PRL: variants seen among roughly 807,000 people sequenced by gnomAD.
PRL encodes prolactin, also known as decidual prolactin.
In PRL, 24 loss-of-function variants were observed where a neutral mutation model predicts 21.3. The ratio of observed to expected loss-of-function variants is 1.13; its 90% CI spans 0.82 to 1.59. The LOEUF is 1.59. Among genes scored for constraint, PRL ranks in the 40% most tolerant of loss-of-function variants. The pLI, the probability that PRL is intolerant of heterozygous loss-of-function variation, is 0.00. For synonymous variants in PRL, 118 were observed against 115.7 expected (o/e 1.02, Z -0.13); for missense variants, 243 against 286.9 (o/e 0.85, Z 1.10).
intron 1 of PRL, 114 bp downstream of exon 1, chr6:22,296,841 T>C (rs151299200): frequency 2.6e-6 from 3 of 1,146,212 alleles, no homozygotes; most frequent in African/African-American, 1.5e-5. Flanking sequence ...AAACATAAGA[T>C]TGTGCTTCTA....
intron 3 of PRL, among the ~76,000 whole-genome samples, chr6:22,292,039 G>T (rs1429481037): frequency 6.6e-6 from 1 of 152,146 alleles, no homozygotes; most frequent in African/African-American, 2.4e-5. Context: ...AGTCAGTGAA[G>T]AATGAAAAAG....
At chr6:22,295,745 C>T (rs573803933) in intron 1 of PRL, among the ~76,000 whole-genome samples, 11 of 151,886 alleles carry the variant, frequency 7.2e-5, no homozygotes, top group Non-Finnish European at 1.3e-4. Flanking sequence ...GTGGCATTAC[C>T]CCAAAAGAAT....
chr6:22,290,437 G>A, intron 3 of PRL, 84 bp from the exon 4 acceptor site: 1 of 1,134,326 alleles, frequency 8.8e-7, no homozygotes, highest in Non-Finnish European at 1.2e-6. Context: ...TAGAGAGGCT[G>A]TACTGAAATA....
intron 1 of PRL, among the ~76,000 whole-genome samples, chr6:22,296,269 T>A (rs1761170750): frequency 6.6e-6 from 1 of 152,238 alleles, no homozygotes; most frequent in East Asian, 1.9e-4. Flanking sequence ...CATTTTATGG[T>A]TGTTACTAAT....
intron 1 of PRL, among the ~76,000 whole-genome samples, 183 bp downstream of exon 1, chr6:22,296,768 ATTCC>A (rs1233613782): frequency 1.3e-5 from 2 of 152,316 alleles, no homozygotes; most frequent in East Asian, 3.9e-4. Context: ...CTGAGAGAGG[ATTCC>A]CCTGTTTGAG....
chr6:22,291,589 T>G (rs1761050797), intron 3 of PRL, among the ~76,000 whole-genome samples: 1 of 152,210 alleles, frequency 6.6e-6, no homozygotes, highest in Non-Finnish European at 1.5e-5. Context: ...CTTAGGATTC[T>G]TCAGTATTTG....
chr6:22,290,274 C>A lies in PRL; in HGVS notation c.392G>T (p.Arg131Leu). The A allele has an allele frequency of 6.2e-7, 1 of 1,612,698 alleles. No individual in the cohort carries two copies. The highest frequency in any genetic ancestry group is 8.5e-7 in the Non-Finnish European group (1 of 1,178,964). The change falls in exon 4 of 5, where the codon CGT becomes CTT. Residue 131 changes from arginine (R) to leucine (L), a missense_variant. Arg to Leu is a moderately radical substitution (Grantham distance 102). Coordinates refer to ENST00000306482, the MANE Select transcript of PRL (RefSeq NM_000948.6). ...EPLYHLVTEV[R>L]GMQEAPEAIL... ...AGCCTCCGGGGCTTCTTGCATACCACGTACTTCCGTGACCAGATGATACAG... is the reference window on the plus strand; with the variant it reads ...AGCCTCCGGGGCTTCTTGCATACCAAGTACTTCCGTGACCAGATGATACAG...
At chr6:22,290,466 T>C in intron 3 of PRL, 113 bp from the exon 4 acceptor site, 1 of 830,466 alleles carries the variant, frequency 1.2e-6, no homozygotes, top group Non-Finnish European at 1.7e-6. Flanking sequence ...TATTCCTATG[T>C]GTAGGTACAT....
At chr6:22,298,360 C>T (rs1364267519), upstream of PRL, among the ~76,000 whole-genome samples, 1 of 152,088 alleles carries the variant, frequency 6.6e-6, no homozygotes, top group East Asian at 1.9e-4. Flanking sequence ...TTTTTAAGTC[C>T]ATGCATCTAA....
chr6:22,291,811 T>C (rs372808781), intron 3 of PRL, among the ~76,000 whole-genome samples: 4 of 152,206 alleles, frequency 2.6e-5, no homozygotes, highest in African/African-American at 9.6e-5. Context: ...TTTTAAATCA[T>C]GTTAAGGCTG....
At chr6:22,301,716 G>C (rs747240777), upstream of PRL, among the ~76,000 whole-genome samples, 18 of 152,018 alleles carry the variant, frequency 1.2e-4, no homozygotes, top group Admixed American at 2.6e-4. Context: ...ATTTTTGTTA[G>C]AATTTGTCTA....
intron 1 of PRL, among the ~76,000 whole-genome samples, chr6:22,302,665 G>A (rs866628609): frequency 6.6e-6 from 1 of 152,104 alleles, no homozygotes; most frequent in African/African-American, 2.4e-5. Context: ...TATGCTTAAG[G>A]TTGATAAAAA....
upstream of PRL, chr6:22,297,171 A>T (rs1162781183): frequency 1.7e-6 from 1 of 605,626 alleles, no homozygotes; most frequent in Non-Finnish European, 2.9e-6. Flanking sequence ...CAAACATCAA[A>T]TGGTATTTTA....
rs138307831 is a variant in PRL, at chr6:22,296,987, G to A, written c.-5C>T. ...TGGCGATCCTTTGATGTTCATGTTC[G>A]TGATCGTTGCAGGAAACACACTTCA... On this transcript the variant is annotated 5_prime_UTR_variant, in exon 1 of 5. It adds an upstream start codon to the 5' untranslated region. Transcript: ENST00000306482. 1,228 of 1,613,884 alleles carry A rather than the reference G, an allele frequency of 7.6e-4. 10 individuals carry two copies. The East Asian group carries it at 0.02, about 27-fold the overall frequency.
chr6:22,292,583 A>G lies in PRL; in HGVS notation c.267T>C (p.Ser89=), dbSNP rs1266442321. The change falls in exon 3 of 5, where the codon TCT becomes TCC. Residue 89 remains serine (S), a synonymous_variant. Transcript: ENST00000306482. The stretch of plus-strand genomic sequence containing the variant: ...CCTTGTCTTCGGGGGTGGCAAGGGA[A>G]GAAGTGTGGCAGCTGTTGATGGCCT... ...ITKAINSCHT[S]SLATPEDKEQ... is the part of the protein sequence containing the mutation. 6.2e-7 allele frequency: 1 copy of G among 1,613,988 alleles called. No individual in the cohort carries two copies. Among genetic ancestry groups the G allele is most frequent in the East Asian group, 2.2e-5 (1 of 44,870 alleles).
At chr6:22,301,892 G>A (rs1240467758), upstream of PRL, among the ~76,000 whole-genome samples, 1 of 152,068 alleles carries the variant, frequency 6.6e-6, no homozygotes, top group African/African-American at 2.4e-5. Flanking sequence ...TTGATGGAAT[G>A]CTCTGATGTC....
chr6:22,302,518 G>A (rs1761301471), intron 1 of PRL, among the ~76,000 whole-genome samples: 1 of 152,090 alleles, frequency 6.6e-6, no homozygotes, highest in Non-Finnish European at 1.5e-5. Context: ...CTTGCCCATA[G>A]ATAGGTTTAT....
At chr6:22,296,086 A>C (rs181930383) in intron 1 of PRL, among the ~76,000 whole-genome samples, 1 of 152,246 alleles carries the variant, frequency 6.6e-6, no homozygotes, top group South Asian at 2.1e-4. Context: ...GTGTAAATAA[A>C]ATGTGCTTTG....
Position 22,287,537 on chromosome 6 carries a change from G to A in PRL, c.549C>T (p.Ser183=). The change falls in exon 5 of 5, where the codon TCC becomes TCT. Residue 183 remains serine, a synonymous_variant. Coordinates refer to ENST00000306482, the MANE Select transcript of PRL (RefSeq NM_000948.6). ...GAGACTCTTCATCAGCCATCTGCAG[G>A]GATGGAAGTCCCGACCAGACAGGGT... is the stretch of plus-strand genomic sequence containing the variant. The part of the protein sequence containing the change: ...EIYPVWSGLP[S]LQMADEESRL... 6.2e-7 allele frequency: 1 copy of A among 1,613,966 alleles called. No individual in the cohort carries two copies. Among genetic ancestry groups the A allele is most frequent in the South Asian group, 1.1e-5 (1 of 91,042 alleles).
Sources: allele counts gnomAD v4.1 joint callset (sites outside exome capture counted in the v4.1 genomes callset), GRCh38; gene constraint gnomAD v4.1.1; transcripts MANE v1.5; gene names NCBI Gene and HGNC (gene_info 2026-07-23, HGNC 2026-07-21).